The following MLPH variants were observed in gnomAD, a reference collection of about 807,000 sequenced individuals.
MLPH encodes the protein exophilin-3.
MLPH carries 51 observed loss-of-function variants against 72.1 expected under a neutral mutation model. The ratio of observed to expected loss-of-function variants is 0.71; its 90% confidence interval spans 0.56 to 0.89. The LOEUF (loss-of-function observed/expected upper bound fraction) is 0.89, where lower values mean the gene tolerates loss of function less well. Among genes scored for constraint, MLPH ranks in the 40% least tolerant of loss-of-function variants. The pLI is 0.00. For synonymous variants in MLPH, 301 were observed against 310.1 expected (o/e 0.97, Z 0.31); for missense variants, 743 against 759.9 (o/e 0.98, Z 0.26).
At position 237,514,306 on chromosome 2, in the gene MLPH, C is replaced by T. The variant is rs146094621; in HGVS notation, c.445+3205C>T. Reference sequence around the variant, plus strand: ...TAGAGATGGGTTCTCACTATGTTGCCCAGGCTGGTTTTGAACTCCTGGGCT... The same window carrying T: ...TAGAGATGGGTTCTCACTATGTTGCTCAGGCTGGTTTTGAACTCCTGGGCT... On this transcript the variant is annotated intron_variant, in intron 4 of 15. Coordinates refer to ENST00000264605, the MANE Select transcript of MLPH (RefSeq NM_024101.7). Among the ~76,000 whole-genome samples, 229 of 151,894 alleles carry T rather than the reference C, an allele frequency of 1.5e-3. 1 individual carries two copies. Among genetic ancestry groups the T allele is most frequent in the African/African-American group, 5.0e-3 (208 of 41,396 alleles).
At chr2:237,524,979 G>T (rs2080271249) in intron 6 of MLPH, among the ~76,000 whole-genome samples, 1 of 152,202 alleles carries the variant, frequency 6.6e-6, no homozygotes, top group South Asian at 2.1e-4. Flanking sequence ...GCTCTAACTG[G>T]AGGCTGTCCT....
chr2:237,499,099 CT>C (rs746024946), intron 2 of MLPH, among the ~76,000 whole-genome samples: 1 of 152,016 alleles, frequency 6.6e-6, no homozygotes. Flanking sequence ...CGTCCATATG[CT>C]TTCATGGATG....
chr2:237,528,110 C>T (rs1457406362), intron 8 of MLPH, among the ~76,000 whole-genome samples: 1 of 152,024 alleles, frequency 6.6e-6, no homozygotes, highest in African/African-American at 2.4e-5. Context: ...TAGTAGTCAC[C>T]AGGGGCTGGG....
intron 8 of MLPH, among the ~76,000 whole-genome samples, chr2:237,529,908 C>T (rs888198254): frequency 6.6e-6 from 1 of 152,228 alleles, no homozygotes; most frequent in African/African-American, 2.4e-5. Flanking sequence ...CCCTTCGGGC[C>T]TGTGGGCTCT....
chr2:237,524,967 C>G (rs915056800), intron 6 of MLPH, among the ~76,000 whole-genome samples: 1 of 152,232 alleles, frequency 6.6e-6, no homozygotes, highest in African/African-American at 2.4e-5. Context: ...GCCACAGGTC[C>G]TGCTCTAACT....
rs999071846 is a variant in MLPH, at chr2:237,497,486, C to T, written c.110+3950C>T. Among the ~76,000 whole-genome samples, 16 of 152,278 alleles carry T rather than the reference C, an allele frequency of 1.1e-4. No individual in the cohort carries two copies. In the Middle Eastern group the frequency reaches 0.014, roughly 129 times the overall value. On this transcript the variant is annotated intron_variant, in intron 2 of 15. Coordinates refer to ENST00000264605, the MANE Select transcript of MLPH (RefSeq NM_024101.7). ...GCCCCGGGGAGTGGCAGGGCCCCAGCGTGTGGGCACGCATCAGGTGCAGGT... is the reference window on the plus strand; with the variant it reads ...GCCCCGGGGAGTGGCAGGGCCCCAGTGTGTGGGCACGCATCAGGTGCAGGT...
chr2:237,542,368 C>A (rs578059599), intron 11 of MLPH, among the ~76,000 whole-genome samples, 199 bp from the exon 12 acceptor site: 2 of 152,188 alleles, frequency 1.3e-5, no homozygotes, highest in South Asian at 4.1e-4. Context: ...AACACCCCCC[C>A]CTTCTCAACA....
chr2:237,511,371 C>G (rs890993278), intron 4 of MLPH: 2 of 428,994 alleles, frequency 4.7e-6, no homozygotes, highest in African/African-American at 4.1e-5. Context: ...CTCAGCCTCC[C>G]GAAGTGCTGG....
At chr2:237,537,163 G>C (rs2080549901) in intron 9 of MLPH, among the ~76,000 whole-genome samples, 1 of 152,190 alleles carries the variant, frequency 6.6e-6, no homozygotes. Flanking sequence ...ACAAGGACGA[G>C]TTAGTCACCC....
chr2:237,536,501 G>C (rs892306812), intron 9 of MLPH, among the ~76,000 whole-genome samples: 1 of 152,356 alleles, frequency 6.6e-6, no homozygotes, highest in South Asian at 2.1e-4. Context: ...GAGAGCACCA[G>C]CTGAAAGCAC....
intron 1 of MLPH, among the ~76,000 whole-genome samples, chr2:237,490,663 CTCT>C (rs1194812464): frequency 1.3e-5 from 2 of 152,146 alleles, no homozygotes; most frequent in African/African-American, 4.8e-5. Flanking sequence ...TCGGTGAATG[CTCT>C]TCTTATGATC....
At chr2:237,501,375 G>A (rs1040975642) in intron 2 of MLPH, among the ~76,000 whole-genome samples, 6 of 152,024 alleles carry the variant, frequency 3.9e-5, no homozygotes, top group African/African-American at 7.3e-5. Flanking sequence ...AGTCTGGGGC[G>A]GGTTACCCAG....
intron 4 of MLPH, among the ~76,000 whole-genome samples, chr2:237,517,729 GTGGATGGATGGATGGATGGA>G (rs58864368): frequency 1.5e-5 from 2 of 135,014 alleles, no homozygotes; most frequent in African/African-American, 5.5e-5. Flanking sequence ...AAGTAAGTGG[GTGGATGGATGGATGGATGGA>G]TGGATGGATG....
chr2:237,537,865 G>C (rs570817742), intron 9 of MLPH: 4 of 152,316 alleles, frequency 2.6e-5, no homozygotes, highest in African/African-American at 9.6e-5. Context: ...CCAGAGGAAG[G>C]GACCAAGGAC....
chr2:237,527,343 C>T (rs2080325791), intron 7 of MLPH, 34 bp from the exon 8 acceptor site: 1 of 1,613,958 alleles, frequency 6.2e-7, no homozygotes, highest in African/African-American at 1.3e-5. Context: ...CAGGTTTTCA[C>T]TGCAAGTAAT....
chr2:237,498,104 C>T (rs1232512704), intron 2 of MLPH, among the ~76,000 whole-genome samples: 2 of 152,176 alleles, frequency 1.3e-5, no homozygotes, highest in African/African-American at 4.8e-5. Flanking sequence ...AACACACCAT[C>T]GTTTCTTGGA....
rs1156606451 is a variant in MLPH at position 237,505,750 on chromosome 2, T to C, written c.111-4824T>C. 6.6e-6 allele frequency among the ~76,000 whole-genome samples: 1 copy of C among 152,216 alleles called. No individual in the cohort carries two copies. Among genetic ancestry groups the C allele is most frequent in the African/African-American group, 2.4e-5 (1 of 41,450 alleles). On this transcript the variant is annotated intron_variant, in intron 2 of 15. Coordinates refer to ENST00000264605, the MANE Select transcript of MLPH (RefSeq NM_024101.7). This position sits in a 1 kb window ranked among gnomAD's most constrained non-coding sequence, Gnocchi z 4.5. The stretch of plus-strand genomic sequence containing the variant: ...CCGTCCTAGAAGCGTTTTCCTTCCC[T>C]GGTATACGCCCTTTCTTCAGAGGCT...
intron 4 of MLPH, 186 bp downstream of exon 4, chr2:237,511,287 T>A: frequency 1.8e-6 from 1 of 545,474 alleles, no homozygotes; most frequent in East Asian, 3.2e-5. Flanking sequence ...TTTTTTTTAA[T>A]TTTTGTAGAG....
intron 8 of MLPH, among the ~76,000 whole-genome samples, chr2:237,533,496 C>T (rs533338157): frequency 6.8e-6 from 1 of 147,662 alleles, no homozygotes; most frequent in Non-Finnish European, 1.5e-5. Flanking sequence ...CAGATTCAAG[C>T]GATTCTCCTG....
Sources: allele counts gnomAD v4.1 joint callset (sites outside exome capture counted in the v4.1 genomes callset), GRCh38; gene constraint gnomAD v4.1.1; non-coding constraint Gnocchi (gnomAD v3.1); transcripts MANE v1.5; gene names NCBI Gene and HGNC (gene_info 2026-07-23, HGNC 2026-07-21).